The following AFAP1 variants were observed in gnomAD, a reference collection of about 807,000 sequenced individuals.
The protein encoded by AFAP1 is actin filament associated protein 1, also known as actin filament-associated protein 1.
In AFAP1, 75 loss-of-function variants were observed where a neutral mutation model predicts 93.9. The observed-to-expected ratio is 0.80, with a 90% confidence interval of 0.66 to 0.97. The LOEUF is 0.97. Ranked by LOEUF, AFAP1 falls within the 50% of genes least tolerant of loss-of-function variation. The pLI is 0.00. For synonymous variants in AFAP1, 517 were observed against 430.7 expected, an observed-to-expected ratio of 1.20 and a Z score of -2.48; for missense variants, 1,201 against 1,050.8, an observed-to-expected ratio of 1.14 and a Z score of -1.98.
chr4:7,871,867 T>C, intron 2 of AFAP1, 85 bp downstream of exon 2: 5 of 1,492,224 alleles, frequency 3.4e-6, no homozygotes, highest in Non-Finnish European at 4.5e-6. Context: ...CAAATAAATA[T>C]ATTTTAGAAA....
At chr4:7,873,298 T>TA (rs1404515263) in intron 1 of AFAP1, among the ~76,000 whole-genome samples, 1 of 137,886 alleles carries the variant, frequency 7.3e-6, no homozygotes, top group Admixed American at 7.5e-5. Context: ...GAGAAAGCAG[T>TA]AAAAAATAAT....
intron 3 of AFAP1, chr4:7,861,891 A>G (rs4552460): frequency 0.8 from 121,847 of 152,258 alleles, 48,943 homozygotes; most frequent in East Asian, 0.97. Context: ...CCCCAGCTCT[A>G]CAACTGGTAA....
At chr4:7,867,265 G>A (rs966843497) in intron 3 of AFAP1, among the ~76,000 whole-genome samples, 6 of 152,176 alleles carry the variant, frequency 3.9e-5, no homozygotes, top group Admixed American at 1.3e-4. Flanking sequence ...GCTGCTCTGA[G>A]GAGGGATTAG....
intron 6 of AFAP1, among the ~76,000 whole-genome samples, chr4:7,821,325 AAGCAACACCGTCATTACTGTC>A (rs1321779386): frequency 6.6e-6 from 1 of 152,186 alleles, no homozygotes; most frequent in Non-Finnish European, 1.5e-5. Context: ...CAAACCATGG[AAGCAACACCGTCATTACTGTC>A]AGCATTTTGA....
chr4:7,772,187 T>G (rs1715535628), intron 16 of AFAP1: 2 of 152,208 alleles, frequency 1.3e-5, no homozygotes, highest in African/African-American at 4.8e-5. Context: ...TGGCTGCCTG[T>G]TCTGTCTGCC....
intron 1 of AFAP1, among the ~76,000 whole-genome samples, chr4:7,930,374 TGGCTAGCTCAATCTCTCATTGGCCACCGG>T (rs1720998945): frequency 3.6e-4 from 1 of 2,808 alleles, no homozygotes; most frequent in African/African-American, 2.9e-3. Context: ...TGGCCACCGG[TGGCTAGCTCAATCTCTCATTGGCCACCGG>T]TGGCTAGCTC....
In AFAP1 at chr4:7,793,601, C is replaced by A. The variant is rs1325933240; in HGVS notation, c.1412+80G>T. On this transcript the variant is annotated intron_variant, in intron 11 of 17. Transcript: ENST00000420658. ...TTTTTCTTCTGGGTCTATATCCTCA[C>A]ACAAAAACTAAGTTAAGCTAAGTTA... is the stretch of plus-strand genomic sequence containing the variant. The A allele has an allele frequency of 6.7e-6, 9 of 1,349,574 alleles. No individual in the cohort carries two copies. The African/African-American group carries it at 1.2e-4, about 17-fold the overall frequency. 83.6% of individuals were successfully genotyped at this position (1,349,574 alleles called of 1,614,324 possible). A position where few individuals can be genotyped will look rare whatever the true frequency, so the allele number is the denominator to read the frequency against.
Position 7,809,603 on chromosome 4 carries a change from C to T in AFAP1, c.1054+11G>A, listed in dbSNP as rs745797310. 2.9e-5 allele frequency: 46 copies of T among 1,609,746 alleles called. No homozygotes were observed. The highest frequency in any genetic ancestry group is 1.7e-4 in the Middle Eastern group (1 of 5,994). The stretch of plus-strand genomic sequence containing the variant: ...GTGCACGCTGCTCGTCTCCGGGAAG[C>T]GCAGTCTTACCGCAGGTGGGAACAT... On this transcript the variant is annotated intron_variant, in intron 9 of 17. Coordinates refer to ENST00000420658, the MANE Select transcript of AFAP1 (RefSeq NM_001134647.2).
At chr4:7,821,472 C>T (rs1720968428) in intron 6 of AFAP1, among the ~76,000 whole-genome samples, 1 of 152,184 alleles carries the variant, frequency 6.6e-6, no homozygotes, top group Non-Finnish European at 1.5e-5. Flanking sequence ...CCCCTACATG[C>T]AGTCACCACA....
chr4:7,852,318 G>C (rs986229070), intron 4 of AFAP1, among the ~76,000 whole-genome samples: 12 of 152,282 alleles, frequency 7.9e-5, no homozygotes, highest in African/African-American at 2.4e-4. Context: ...ACTGGTCTAA[G>C]GGCAAGATAT....
At chr4:7,830,617 T>C (rs1721802700) in intron 6 of AFAP1, among the ~76,000 whole-genome samples, 3 of 152,004 alleles carry the variant, frequency 2.0e-5, no homozygotes, top group Admixed American at 2.0e-4. Flanking sequence ...ATTATTATTA[T>C]TTATCTTTAG....
At chr4:7,911,951 T>C (rs1169810022) in intron 1 of AFAP1, among the ~76,000 whole-genome samples, 1 of 152,236 alleles carries the variant, frequency 6.6e-6, no homozygotes, top group African/African-American at 2.4e-5. Context: ...AAGGATTCCA[T>C]GATAAGGCAG....
chr4:7,902,571 T>C (rs560690800), intron 1 of AFAP1, among the ~76,000 whole-genome samples: 27 of 152,182 alleles, frequency 1.8e-4, no homozygotes, highest in Non-Finnish European at 2.8e-4. Flanking sequence ...TTATAAAATG[T>C]ATGAGAAACA....
At chr4:7,925,629 C>T (rs1184985475) in intron 1 of AFAP1, among the ~76,000 whole-genome samples, 2 of 152,056 alleles carry the variant, frequency 1.3e-5, no homozygotes, top group Admixed American at 6.6e-5. Context: ...GGCGGATTAC[C>T]TGAGGTTGGG....
intron 4 of AFAP1, among the ~76,000 whole-genome samples, chr4:7,854,446 T>C (rs73088586): frequency 3.0e-4 from 46 of 152,296 alleles, no homozygotes; most frequent in African/African-American, 1.0e-3. Flanking sequence ...CAGAGAAGCA[T>C]GCCAACGGGG....
At chr4:7,787,235 G>A (rs533287267) in intron 11 of AFAP1, among the ~76,000 whole-genome samples, 3 of 152,336 alleles carry the variant, frequency 2.0e-5, no homozygotes, top group South Asian at 2.1e-4. Flanking sequence ...CGGCGGTGCC[G>A]GGAGCGTGGT....
chr4:7,926,947 G>A (rs961502649), intron 1 of AFAP1, among the ~76,000 whole-genome samples: 2 of 152,174 alleles, frequency 1.3e-5, no homozygotes, highest in African/African-American at 4.8e-5. Flanking sequence ...TGTTGGCCAG[G>A]CTGGTCTCAA....
chr4:7,835,459 C>A, intron 6 of AFAP1, among the ~76,000 whole-genome samples: 1 of 89,012 alleles, frequency 1.1e-5, no homozygotes, highest in African/African-American at 3.7e-5. Flanking sequence ...GGACTGTGGG[C>A]TGCCTTAAGG....
At chr4:7,845,984 A>C (rs1203177857) in intron 4 of AFAP1, among the ~76,000 whole-genome samples, 1 of 152,224 alleles carries the variant, frequency 6.6e-6, no homozygotes, top group Non-Finnish European at 1.5e-5. Context: ...GACAGCACAG[A>C]AGATGTCACT....
Sources: gnomAD v4.1 joint callset for allele counts (sites outside exome capture counted in the v4.1 genomes callset) on GRCh38, gnomAD v4.1.1 for gene constraint, MANE v1.5 for transcripts, NCBI Gene and HGNC (gene_info 2026-07-23, HGNC 2026-07-21) for gene names.